Variants in GPR139 observed in about 807,000 individuals in gnomAD.
GPR139 encodes G protein-coupled receptor 139, also known as probable G protein-coupled receptor 139.
A neutral mutation model predicts 25.8 loss-of-function variants in GPR139; 12 were observed. The observed-to-expected ratio is 0.47, with a 90% CI of 0.30 to 0.75. The LOEUF is 0.75. Among genes scored for constraint, GPR139 ranks in the 30% least tolerant of loss-of-function variants. GPR139 has a pLI of 0.07. For missense variants in GPR139, 380 were observed against 450.2 expected (o/e 0.84, Z 1.41); for synonymous variants, 184 against 179.9 (o/e 1.02, Z -0.18).
chr16:20,045,900 A>T (rs1042472135), intron 1 of GPR139, among the ~76,000 whole-genome samples: 1 of 152,006 alleles, frequency 6.6e-6, no homozygotes. Context: ...GGGGATACTT[A>T]TTTGTTTTTG....
intron 1 of GPR139, among the ~76,000 whole-genome samples, chr16:20,050,175 A>G (rs535514197): frequency 3.3e-5 from 5 of 152,320 alleles, no homozygotes; most frequent in Admixed American, 2.6e-4. Flanking sequence ...GAAATCTAAT[A>G]TAGAGGATCA....
Position 20,069,087 on chromosome 16 carries a change from T to G in GPR139, c.127+4403A>C, listed in dbSNP as rs150298762. 1.2e-3 allele frequency among the ~76,000 whole-genome samples: 184 copies of G among 152,324 alleles called. 1 individual carries two copies. Among genetic ancestry groups the G allele is most frequent in the African/African-American group, 4.1e-3 (172 of 41,570 alleles). On this transcript the variant is annotated intron_variant, in intron 1 of 1. Transcript: ENST00000570682. ...GAACATTGGGTTGTAGTTTTCTTTT[T>G]TTGTAATGTCTTTGTCCGGTTTTGA...
At chr16:20,043,907 T>C (rs921575407) in intron 1 of GPR139, among the ~76,000 whole-genome samples, 3 of 152,274 alleles carry the variant, frequency 2.0e-5, no homozygotes, top group Non-Finnish European at 4.4e-5. Context: ...ACCGGAGACA[T>C]GCAATTTGGA....
intron 1 of GPR139, chr16:20,071,031 A>G (rs901536457): frequency 1.0e-6 from 1 of 982,948 alleles, no homozygotes; most frequent in Admixed American, 6.1e-5. Context: ...ATCTATGACC[A>G]CAGCAGTGCA....
In GPR139 at chr16:20,029,832, A is replaced by G. The variant is rs115074704; in HGVS notation, c.*1903T>C. Among the ~76,000 whole-genome samples the G allele has an allele frequency of 0.018, 2,697 of 152,278 alleles. 76 individuals are homozygous for G. Among genetic ancestry groups the G allele is most frequent in the African/African-American group, 0.06 (2,503 of 41,552 alleles). On this transcript the variant is annotated 3_prime_UTR_variant, in exon 2 of 2. Coordinates refer to ENST00000570682, the MANE Select transcript of GPR139 (RefSeq NM_001002911.4). ...CAATATGGTCCCTAAATGAGAGCCA[A>G]TTCTGTCTTGTCATCAACCAGAGAA...
intron 1 of GPR139, among the ~76,000 whole-genome samples, chr16:20,042,767 T>A (rs2057340620): frequency 6.6e-6 from 1 of 152,212 alleles, no homozygotes; most frequent in Non-Finnish European, 1.5e-5. Flanking sequence ...ATTTTAGCAC[T>A]TGAATGGATC....
At chr16:20,053,688 C>T (rs72772742) in intron 1 of GPR139, among the ~76,000 whole-genome samples, 11,826 of 152,204 alleles carry the variant, frequency 0.078, 557 homozygotes, top group Non-Finnish European at 0.11. Flanking sequence ...AAATGTTAAT[C>T]ATTACGAGAT....
In GPR139 at chr16:20,032,141, C is replaced by T. The variant is rs372844926; in HGVS notation, c.656G>A (p.Arg219His). The T allele has an allele frequency of 2.1e-5, 34 of 1,614,116 alleles. No homozygotes were observed. The highest frequency in any genetic ancestry group is 1.2e-4 in the African/African-American group (9 of 75,006). ...KLRRKSNFRL[R>H]GYSTGKTTAI... is the part of the protein sequence containing the mutation. ...GGTGGTCTTCCCCGTGGAGTAGCCACGGAGACGAAAATTGCTCTTCCTCCT... is the reference window on the plus strand; with the variant it reads ...GGTGGTCTTCCCCGTGGAGTAGCCATGGAGACGAAAATTGCTCTTCCTCCT... Residue 219 changes from arginine (R) to histidine (H), a missense_variant, in exon 2 of 2, where the codon CGT becomes CAT. Physicochemically the swap from Arg to His is conservative, Grantham distance 29. Transcript: ENST00000570682.
chr16:20,060,365 T>C (rs973855080), intron 1 of GPR139, among the ~76,000 whole-genome samples: 1 of 151,964 alleles, frequency 6.6e-6, no homozygotes, highest in African/African-American at 2.4e-5. Context: ...TGTGTGCAAG[T>C]TGATGTGTAC....
rs555181945 is a variant in GPR139 at position 20,031,377 on chromosome 16, A to G, written c.*358T>C. On this transcript the variant is annotated 3_prime_UTR_variant, in exon 2 of 2. Coordinates refer to ENST00000570682, the MANE Select transcript of GPR139 (RefSeq NM_001002911.4). Reference sequence around the variant, plus strand: ...GCTACTGGGGCTTGGTAAGTCCCATAAATGAAGGGTTCCCAGTGACTGTGG... The same window carrying G: ...GCTACTGGGGCTTGGTAAGTCCCATGAATGAAGGGTTCCCAGTGACTGTGG... 3.9e-6 allele frequency: 1 copy of G among 256,902 alleles called. No homozygotes were observed. Among genetic ancestry groups the G allele is most frequent in the African/African-American group, 2.2e-5 (1 of 45,278 alleles). 15.9% of individuals were successfully genotyped at this position (256,902 alleles called of 1,614,324 possible).
At chr16:20,033,362 T>C (rs1045716094) in intron 1 of GPR139, among the ~76,000 whole-genome samples, 1 of 152,248 alleles carries the variant, frequency 6.6e-6, no homozygotes. Context: ...TCTCCTCATC[T>C]TAGAAATGAA....
chr16:20,065,599 C>T (rs1411065520), intron 1 of GPR139, among the ~76,000 whole-genome samples: 1 of 152,092 alleles, frequency 6.6e-6, no homozygotes, highest in Admixed American at 6.5e-5. Context: ...AGGCCAGGCG[C>T]ATTGGTCACA....
At chr16:20,068,496 T>C (rs1431081725) in intron 1 of GPR139, among the ~76,000 whole-genome samples, 1 of 152,218 alleles carries the variant, frequency 6.6e-6, no homozygotes, top group Non-Finnish European at 1.5e-5. Context: ...TATTAGTTCT[T>C]AGGAGTTTTT....
At position 20,072,070 on chromosome 16, in the gene GPR139, G is replaced by A. The variant is rs556535685; in HGVS notation, c.127+1420C>T. Reference sequence around the variant, plus strand: ...GAGAGAAGCTCCGAAGGGCTGAAGGGGGGAGGTGGAACCTGGACTAAAATC... The same window carrying A: ...GAGAGAAGCTCCGAAGGGCTGAAGGAGGGAGGTGGAACCTGGACTAAAATC... On this transcript the variant is annotated intron_variant, in intron 1 of 1. Transcript: ENST00000570682. Among the ~76,000 whole-genome samples the A allele has an allele frequency of 5.3e-5, 8 of 152,286 alleles. No homozygotes were observed. The South Asian group carries it at 1.4e-3, about 28-fold the overall frequency.
chr16:20,030,327 A>G lies in GPR139; in HGVS notation c.*1408T>C, dbSNP rs1191981096. Among the ~76,000 whole-genome samples the G allele has an allele frequency of 6.6e-6, 1 of 152,168 alleles. No individual in the cohort carries two copies. The highest frequency in any genetic ancestry group is 1.5e-5 in the Non-Finnish European group (1 of 68,030). On this transcript the variant is annotated 3_prime_UTR_variant, in exon 2 of 2. Coordinates refer to ENST00000570682, the MANE Select transcript of GPR139 (RefSeq NM_001002911.4). Reference sequence around the variant, plus strand: ...ATGCAATTTCAAAGTCAGTTTGGCAAATTTATTCCAAAACAGGGATGAATT... The same window carrying G: ...ATGCAATTTCAAAGTCAGTTTGGCAGATTTATTCCAAAACAGGGATGAATT...
chr16:20,071,520 A>G (rs1016937163), intron 1 of GPR139, among the ~76,000 whole-genome samples: 1 of 152,212 alleles, frequency 6.6e-6, no homozygotes, highest in Non-Finnish European at 1.5e-5. Context: ...TTAGCATACC[A>G]TAGTGGCCAA....
At chr16:20,053,784 T>A (rs72772743) in intron 1 of GPR139, among the ~76,000 whole-genome samples, 11,811 of 152,064 alleles carry the variant, frequency 0.078, 556 homozygotes, top group Non-Finnish European at 0.11. Flanking sequence ...CGCATTCTCA[T>A]AAGCATTCAT....
chr16:20,062,735 AT>A lies in GPR139; in HGVS notation c.127+10754del, dbSNP rs554508769. 2.6e-5 allele frequency among the ~76,000 whole-genome samples: 4 copies of A among 152,336 alleles called. No homozygotes were observed. The East Asian group carries it at 7.7e-4, about 29-fold the overall frequency. On this transcript the variant is annotated intron_variant, in intron 1 of 1. Transcript: ENST00000570682. ...AATGTGAGTCATATATACAATTAAA[AT>A]TTTCCTAGTAGTCACGTTAATAAAG...
rs970332601 is a variant in GPR139 at position 20,028,984 on chromosome 16, A to C, written c.*2751T>G. Among the ~76,000 whole-genome samples the C allele has an allele frequency of 2.0e-5, 3 of 152,178 alleles. No individual in the cohort carries two copies. The highest frequency in any genetic ancestry group is 7.2e-5 in the African/African-American group (3 of 41,440). On this transcript the variant is annotated 3_prime_UTR_variant, in exon 2 of 2. Coordinates refer to ENST00000570682, the MANE Select transcript of GPR139 (RefSeq NM_001002911.4). ...TTTTAAAGTTTTAAAGTTAAAAAAA[A>C]CCCATTTCATGATGTCCATAATTAT...
Sources: allele counts gnomAD v4.1 joint callset (sites outside exome capture counted in the v4.1 genomes callset), GRCh38; gene constraint gnomAD v4.1.1; transcripts MANE v1.5; gene names NCBI Gene and HGNC (gene_info 2026-07-23, HGNC 2026-07-21).